MGST1: variants seen among roughly 807,000 people sequenced by gnomAD.
The protein encoded by MGST1 is microsomal glutathione S-transferase 1, also known as glutathione S-transferase 12.
MGST1 carries 5 observed loss-of-function variants against 8.9 expected under a neutral mutation model. The observed-to-expected ratio is 0.56, with a 90% CI of 0.29 to 1.19. The LOEUF (loss-of-function observed/expected upper bound fraction) is 1.19, where lower values mean the gene tolerates loss of function less well. Ranked by LOEUF, MGST1 falls within the 50% of genes most tolerant of loss-of-function variation. The pLI, the probability that MGST1 is intolerant of heterozygous loss-of-function variation, is 0.08. For synonymous variants in MGST1, 54 were observed against 67.8 expected, an observed-to-expected ratio of 0.80 and a Z score of 1.00; for missense variants, 182 against 187.4, an observed-to-expected ratio of 0.97 and a Z score of 0.17.
chr12:16,574,425 C>T lies in MGST1; in HGVS notation n.483-15103C>T, dbSNP rs535575448. Among the ~76,000 whole-genome samples the T allele has an allele frequency of 3.3e-5, 5 of 152,192 alleles. No homozygotes were observed. The South Asian group carries it at 1.0e-3, about 32-fold the overall frequency. On this transcript the variant is annotated intron_variant and non_coding_transcript_variant, in intron 4 of 4. Transcript: ENST00000538857. Reference sequence around the variant, plus strand: ...CAGTCACGGATTTGCTGCTCTCCAACCTAAAATCTCCTGTGACAGATGGCA... The same window carrying T: ...CAGTCACGGATTTGCTGCTCTCCAATCTAAAATCTCCTGTGACAGATGGCA...
At chr12:16,456,240 T>C (rs1022162024) in intron 4 of MGST1, among the ~76,000 whole-genome samples, 9 of 151,856 alleles carry the variant, frequency 5.9e-5, no homozygotes, top group African/African-American at 2.2e-4. Context: ...TTTTCCCCAA[T>C]TGGAGAAAGT....
intron 4 of MGST1, among the ~76,000 whole-genome samples, chr12:16,487,659 T>A (rs536214323): frequency 2.6e-5 from 4 of 152,284 alleles, no homozygotes; most frequent in African/African-American, 7.2e-5. Flanking sequence ...ATAGAGACTT[T>A]TTTTAAGAGA....
chr12:16,514,881 C>T (rs1941601857), intron 4 of MGST1, among the ~76,000 whole-genome samples: 1 of 152,238 alleles, frequency 6.6e-6, no homozygotes, highest in African/African-American at 2.4e-5. Flanking sequence ...AACATTGTGG[C>T]TCTAAACAAA....
intron 1 of MGST1, among the ~76,000 whole-genome samples, chr12:16,430,324 C>T (rs1193595315): frequency 2.6e-5 from 4 of 152,248 alleles, no homozygotes; most frequent in African/African-American, 9.6e-5. Context: ...TGACCTCCTC[C>T]CATGAATCAC....
downstream of MGST1, among the ~76,000 whole-genome samples, chr12:16,381,965 C>T (rs894457623): frequency 6.6e-6 from 1 of 152,188 alleles, no homozygotes; most frequent in African/African-American, 2.4e-5. Context: ...ACATAGCTCT[C>T]GTGCCTTGGT....
chr12:16,539,389 G>T (rs1183889430), intron 4 of MGST1, among the ~76,000 whole-genome samples: 1 of 151,992 alleles, frequency 6.6e-6, no homozygotes, highest in East Asian at 1.9e-4. Flanking sequence ...AATTTCCATG[G>T]TATCCTAATC....
chr12:16,414,765 G>A (rs1940773333), intron 1 of MGST1, among the ~76,000 whole-genome samples: 1 of 152,158 alleles, frequency 6.6e-6, no homozygotes, highest in Admixed American at 6.5e-5. Context: ...GCTCATGCCT[G>A]TAATCCAAGC....
At chr12:16,402,439 T>C in intron 1 of MGST1, 1 of 1,602,734 alleles carries the variant, frequency 6.2e-7, no homozygotes, top group Non-Finnish European at 8.5e-7. Flanking sequence ...ACGCCGCTTC[T>C]CCTCGGGTTC....
At chr12:16,353,757 C>CTTTTTT (rs11387725) in intron 1 of MGST1, among the ~76,000 whole-genome samples, 3 of 111,492 alleles carry the variant, frequency 2.7e-5, no homozygotes, top group African/African-American at 7.2e-5. Context: ...ATATTGCATA[C>CTTTTTT]TTTTTTTTTT....
At chr12:16,526,631 C>T (rs1941688345) in intron 4 of MGST1, among the ~76,000 whole-genome samples, 1 of 151,746 alleles carries the variant, frequency 6.6e-6, no homozygotes, top group South Asian at 2.1e-4. Context: ...CAAGGTCTTG[C>T]CATAAAGGAA....
intron 4 of MGST1, among the ~76,000 whole-genome samples, chr12:16,581,375 A>G (rs1209319636): frequency 6.6e-6 from 1 of 152,162 alleles, no homozygotes; most frequent in African/African-American, 2.4e-5. Context: ...GGGTTTAATA[A>G]TACTGTAGTT....
Position 16,517,171 on chromosome 12 carries a change from A to G in MGST1, n.483-72357A>G, listed in dbSNP as rs1941620577. 6.6e-6 allele frequency among the ~76,000 whole-genome samples: 1 copy of G among 152,208 alleles called. No individual in the cohort carries two copies. ...GGCTCCTAGGCCAGCAAACTTCACA[A>G]TCATCTGATCGAATATATGAGATCT... On this transcript the variant is annotated intron_variant and non_coding_transcript_variant, in intron 4 of 4. Coordinates refer to the MGST1 transcript ENST00000538857. This position sits in a 1 kb window ranked among gnomAD's most constrained non-coding sequence, Gnocchi z 4.2.
intron 1 of MGST1, among the ~76,000 whole-genome samples, chr12:16,411,691 G>T (rs1227224159): frequency 1.3e-5 from 2 of 152,078 alleles, no homozygotes; most frequent in Non-Finnish European, 2.9e-5. Flanking sequence ...CTTGACAGAG[G>T]CTAAAACTAG....
At chr12:16,523,424 C>T (rs1044738790) in intron 4 of MGST1, among the ~76,000 whole-genome samples, 1 of 151,968 alleles carries the variant, frequency 6.6e-6, no homozygotes, top group Non-Finnish European at 1.5e-5. Flanking sequence ...TGTACATATT[C>T]ATCTGTCACC....
chr12:16,410,757 A>G lies in MGST1; in HGVS notation n.779-26631A>G, dbSNP rs113108599. ...CAAATGTATATGTTTGATTATATATATATTTGATTATGTCATCTCCCCATA... is the reference window on the plus strand; with the variant it reads ...CAAATGTATATGTTTGATTATATATGTATTTGATTATGTCATCTCCCCATA... On this transcript the variant is annotated intron_variant and non_coding_transcript_variant, in intron 1 of 1. Transcript: ENST00000359720. The surrounding 1 kb of genome is among the most constrained non-coding windows in gnomAD (Gnocchi z 4.4). Among the ~76,000 whole-genome samples, 4,084 of 150,632 alleles carry G rather than the reference A, an allele frequency of 0.027. 189 individuals are homozygous for G. The highest frequency in any genetic ancestry group is 0.094 in the African/African-American group (3,851 of 41,182).
intron 4 of MGST1, among the ~76,000 whole-genome samples, chr12:16,510,782 T>C (rs1482890542): frequency 6.6e-6 from 1 of 152,214 alleles, no homozygotes; most frequent in African/African-American, 2.4e-5. Flanking sequence ...TTCTTCCTGG[T>C]TCGAAGGATG....
chr12:16,558,903 TA>T (rs1942290556), intron 4 of MGST1, among the ~76,000 whole-genome samples: 1 of 152,184 alleles, frequency 6.6e-6, no homozygotes, highest in Non-Finnish European at 1.5e-5. Flanking sequence ...AGAGAGGTGT[TA>T]GTGTTTCTAT....
In MGST1 at chr12:16,353,166, C is replaced by T. The variant is rs560613227; in HGVS notation, c.-22-1065C>T. On this transcript the variant is annotated intron_variant, in intron 1 of 3. Transcript: ENST00000396210. ...CTCCTGCTTCAGCCTCCCAAGCAGC[C>T]GGGACTACAGGCGCCTGCCACCACA... Among the ~76,000 whole-genome samples, 25 of 151,954 alleles carry T rather than the reference C, an allele frequency of 1.6e-4. 1 individual carries two copies. The South Asian group carries it at 3.8e-3, about 23-fold the overall frequency.
intron 4 of MGST1, among the ~76,000 whole-genome samples, chr12:16,475,122 A>G (rs1424408554): frequency 3.9e-5 from 6 of 152,192 alleles, no homozygotes; most frequent in African/African-American, 1.4e-4. Flanking sequence ...GCAGCAAATC[A>G]TGTTTCAGAA....
Sources: gnomAD v4.1 joint callset for allele counts (sites outside exome capture counted in the v4.1 genomes callset) on GRCh38, gnomAD v4.1.1 for gene constraint, Gnocchi (gnomAD v3.1) non-coding constraint, MANE v1.5 for transcripts, NCBI Gene and HGNC (gene_info 2026-07-23, HGNC 2026-07-21) for gene names.